Variants in KLHL2 observed in about 807,000 individuals in gnomAD.
The protein encoded by KLHL2 is kelch like family member 2.
In KLHL2, 15 loss-of-function variants were observed where a neutral mutation model predicts 75.8. The ratio of observed to expected loss-of-function variants is 0.20; its 90% confidence interval spans 0.13 to 0.30. The LOEUF (loss-of-function observed/expected upper bound fraction) is 0.30, where lower values mean the gene tolerates loss of function less well. KLHL2 is among the 10% of genes least tolerant of loss of function. The pLI is 1.00. For synonymous variants in KLHL2, 214 were observed against 251.9 expected, an observed-to-expected ratio of 0.85 and a Z score of 1.42; for missense variants, 381 against 741.0, an observed-to-expected ratio of 0.51 and a Z score of 5.64.
intron 5 of KLHL2, among the ~76,000 whole-genome samples, chr4:165,288,698 A>T (rs1315107013): frequency 6.6e-6 from 1 of 152,090 alleles, no homozygotes; most frequent in Non-Finnish European, 1.5e-5. Flanking sequence ...AATAACTCAG[A>T]GTGTGTCATT....
chr4:165,209,780 C>G (rs1737076560), intron 1 of KLHL2: 1 of 196,098 alleles, frequency 5.1e-6, no homozygotes, highest in Non-Finnish European at 1.0e-5. Flanking sequence ...TTGTTTCTGT[C>G]TATTTAATTA....
At chr4:165,292,080 C>T (rs1194884060) in intron 5 of KLHL2, among the ~76,000 whole-genome samples, 2 of 151,848 alleles carry the variant, frequency 1.3e-5, no homozygotes, top group African/African-American at 4.8e-5. Context: ...GTATTTTTTT[C>T]GCAATATTTT....
intron 4 of KLHL2, among the ~76,000 whole-genome samples, chr4:165,239,872 A>AGTTTTTTT (rs1739670325): frequency 6.6e-6 from 1 of 151,954 alleles, no homozygotes; most frequent in East Asian, 1.9e-4. Context: ...ACGTACACAC[A>AGTTTTTTT]ATTTTTTTAC....
chr4:165,236,006 C>T (rs1053558939), intron 3 of KLHL2, among the ~76,000 whole-genome samples: 15 of 151,912 alleles, frequency 9.9e-5, no homozygotes, highest in African/African-American at 3.1e-4. Flanking sequence ...ACTCCGTGCC[C>T]AAATTTGTGG....
chr4:165,293,302 G>A (rs565628491), intron 5 of KLHL2, among the ~76,000 whole-genome samples: 4 of 152,156 alleles, frequency 2.6e-5, no homozygotes, highest in Non-Finnish European at 5.9e-5. Context: ...AAAAGGCCAA[G>A]AAGCGATCTT....
chr4:165,220,319 CAG>C (rs575272102), intron 2 of KLHL2, among the ~76,000 whole-genome samples: 48 of 152,146 alleles, frequency 3.2e-4, no homozygotes, highest in African/African-American at 1.1e-3. Flanking sequence ...GAAAAATACA[CAG>C]GGGATTTCTA....
At chr4:165,280,437 G>T (rs539720350) in intron 5 of KLHL2, among the ~76,000 whole-genome samples, 1 of 152,080 alleles carries the variant, frequency 6.6e-6, no homozygotes, top group South Asian at 2.1e-4. Flanking sequence ...AATAAACATC[G>T]GTTAGAATAA....
At chr4:165,227,673 G>A (rs1738546476) in intron 2 of KLHL2, among the ~76,000 whole-genome samples, 1 of 152,142 alleles carries the variant, frequency 6.6e-6, no homozygotes, top group Non-Finnish European at 1.5e-5. Context: ...AGCAAGGCAG[G>A]TTTTAGGCTT....
intron 5 of KLHL2, among the ~76,000 whole-genome samples, chr4:165,293,355 A>G (rs1048536333): frequency 1.3e-5 from 2 of 152,166 alleles, no homozygotes; most frequent in Admixed American, 6.5e-5. Flanking sequence ...AAATCAAGGG[A>G]AAAAAATTTT....
chr4:165,282,452 T>C (rs1743765240), intron 5 of KLHL2, among the ~76,000 whole-genome samples: 1 of 152,230 alleles, frequency 6.6e-6, no homozygotes, highest in Non-Finnish European at 1.5e-5. Flanking sequence ...TATGTATTCG[T>C]GTCCAGAAAG....
intron 13 of KLHL2, among the ~76,000 whole-genome samples, chr4:165,315,959 A>G (rs1290132378): frequency 3.3e-5 from 5 of 152,242 alleles, no homozygotes; most frequent in African/African-American, 7.2e-5. Flanking sequence ...AGATGATTAT[A>G]TATAGACCTT....
intron 6 of KLHL2, 139 bp downstream of exon 6, chr4:165,294,607 C>T (rs1023976309): frequency 1.5e-5 from 7 of 481,074 alleles, no homozygotes; most frequent in Non-Finnish European, 2.6e-5. Context: ...AGAAACTCAG[C>T]TAGTTACTTC....
At chr4:165,285,270 GA>G (rs1348143826) in intron 5 of KLHL2, among the ~76,000 whole-genome samples, 1 of 152,130 alleles carries the variant, frequency 6.6e-6, no homozygotes, top group Non-Finnish European at 1.5e-5. Context: ...TGGCATTACT[GA>G]GAAAGAATTA....
chr4:165,294,567 G>A, intron 6 of KLHL2, 99 bp downstream of exon 6: 1 of 543,966 alleles, frequency 1.8e-6, no homozygotes, highest in Non-Finnish European at 3.2e-6. Context: ...TATGTGTAGT[G>A]ACAGCCAGTG....
At chr4:165,287,379 A>G (rs534425950) in intron 5 of KLHL2, among the ~76,000 whole-genome samples, 4 of 152,264 alleles carry the variant, frequency 2.6e-5, no homozygotes, top group South Asian at 4.1e-4. Flanking sequence ...GTATATACCA[A>G]TTTCATTTAT....
chr4:165,296,865 G>C (rs1012395308), intron 6 of KLHL2, among the ~76,000 whole-genome samples: 4 of 151,624 alleles, frequency 2.6e-5, no homozygotes, highest in African/African-American at 4.8e-5. Context: ...TTAGTTTCTT[G>C]CTTTTTTTTT....
intron 8 of KLHL2, among the ~76,000 whole-genome samples, chr4:165,301,779 TA>T (rs899631764): frequency 2.0e-5 from 3 of 152,336 alleles, no homozygotes; most frequent in African/African-American, 7.2e-5. Flanking sequence ...TTCATATTTG[TA>T]AAAAAGAATT....
intron 5 of KLHL2, among the ~76,000 whole-genome samples, chr4:165,277,150 A>G (rs984148216): frequency 7.2e-5 from 11 of 152,142 alleles, no homozygotes; most frequent in Admixed American, 3.9e-4. Flanking sequence ...TTCACTTAAG[A>G]CCAGCCCTGT....
At chr4:165,209,212 C>T (rs1737040443) in intron 1 of KLHL2, among the ~76,000 whole-genome samples, 2 of 152,138 alleles carry the variant, frequency 1.3e-5, no homozygotes, top group African/African-American at 2.4e-5. Flanking sequence ...GAGGAAGGCA[C>T]CTGAACCCCT....
Sources: gnomAD v4.1 joint callset for allele counts (sites outside exome capture counted in the v4.1 genomes callset) on GRCh38, gnomAD v4.1.1 for gene constraint, MANE v1.5 for transcripts, NCBI Gene and HGNC (gene_info 2026-07-23, HGNC 2026-07-21) for gene names.